Variants in FAT3 observed in about 807,000 individuals in gnomAD.
FAT3 encodes the protein protocadherin Fat 3.
A neutral mutation model predicts 310.2 loss-of-function variants in FAT3; 95 were observed. That is an observed-to-expected ratio of 0.31 (90% CI 0.26 to 0.36). The LOEUF is 0.36. Among genes scored for constraint, FAT3 ranks in the 10% least tolerant of loss-of-function variants. The pLI, the probability that FAT3 is intolerant of heterozygous loss-of-function variation, is 1.00. For missense variants in FAT3, 5,408 were observed against 5,715.6 expected (o/e 0.95, Z 1.74); for synonymous variants, 2,314 against 2,192.9 (o/e 1.06, Z -1.54).
chr11:92,237,475 A>G (rs1172598557), intron 1 of FAT3, among the ~76,000 whole-genome samples: 3 of 152,156 alleles, frequency 2.0e-5, no homozygotes, highest in Admixed American at 6.5e-5. Flanking sequence ...ATAACTTTTA[A>G]TCATTATTAA....
chr11:92,515,904 A>G (rs1953466209), intron 2 of FAT3, among the ~76,000 whole-genome samples: 1 of 151,948 alleles, frequency 6.6e-6, no homozygotes, highest in South Asian at 2.1e-4. Flanking sequence ...AAAACTATGG[A>G]ATTTATAAAA....
At chr11:92,442,327 A>T (rs2135082050) in intron 2 of FAT3, among the ~76,000 whole-genome samples, 1 of 149,700 alleles carries the variant, frequency 6.7e-6, no homozygotes, top group Non-Finnish European at 1.5e-5. Context: ...GTTAGCTAGG[A>T]TGGTCTCGAT....
chr11:92,663,301 T>G (rs1439980607), intron 3 of FAT3, among the ~76,000 whole-genome samples: 1 of 151,934 alleles, frequency 6.6e-6, no homozygotes, highest in Non-Finnish European at 1.5e-5. Flanking sequence ...GAGTTAAGGG[T>G]GGGAGAAGAG....
chr11:92,281,226 T>G (rs1946412707), intron 1 of FAT3, among the ~76,000 whole-genome samples: 1 of 152,094 alleles, frequency 6.6e-6, no homozygotes, highest in South Asian at 2.1e-4. Context: ...TCTCTGTATG[T>G]TAAGTGGGGA....
intron 2 of FAT3, among the ~76,000 whole-genome samples, chr11:92,502,807 C>A (rs1034587213): frequency 7.2e-5 from 11 of 152,046 alleles, no homozygotes; most frequent in African/African-American, 1.2e-4. Context: ...ATTTGATCAT[C>A]ATGATGTACT....
intron 4 of FAT3, among the ~76,000 whole-genome samples, chr11:92,720,048 C>T (rs796660221): frequency 6.6e-6 from 1 of 151,996 alleles, no homozygotes; most frequent in Non-Finnish European, 1.5e-5. Flanking sequence ...TTTTTCTATA[C>T]CACAGGGGCA....
At chr11:92,351,725 A>G (rs1052703408) in intron 1 of FAT3, among the ~76,000 whole-genome samples, 1 of 152,086 alleles carries the variant, frequency 6.6e-6, no homozygotes, top group Non-Finnish European at 1.5e-5. Flanking sequence ...TTTCTATAGG[A>G]TAATTACTGC....
Position 92,801,591 on chromosome 11 carries a change from G to C in FAT3, c.8578G>C (p.Glu2860Gln). The change falls in exon 10 of 28, where the codon GAA (glutamate) becomes CAA (glutamine). Residue 2860 changes from glutamate (E) to glutamine (Q), a missense_variant. Glu to Gln is a conservative substitution (Grantham distance 29). Around this residue, in one of 5 missense-constraint regions of FAT3, gnomAD observed 4,588 missense variants for 4,809.8 expected, o/e 0.95. Transcript: ENST00000525166. ...CTCCCTCCACTCGGATTCCCAGCCCGAAAAGGTAATGGAAGCATTCAATAT... is the reference window on the plus strand; with the variant it reads ...CTCCCTCCACTCGGATTCCCAGCCCCAAAAGGTAATGGAAGCATTCAATAT... ...TYSLHSDSQP[E>Q]KVMEAFNIDS... The C allele has an allele frequency of 3.1e-6, 5 of 1,611,608 alleles. No individual in the cohort carries two copies. Among genetic ancestry groups the C allele is most frequent in the Non-Finnish European group, 4.2e-6 (5 of 1,178,766 alleles).
chr11:92,796,639 G>T (rs1297206855), intron 9 of FAT3, among the ~76,000 whole-genome samples: 1 of 152,252 alleles, frequency 6.6e-6, no homozygotes, highest in African/African-American at 2.4e-5. Context: ...ACTTTTGATT[G>T]GAAAGGATCT....
rs147174997 is a variant in FAT3 at position 92,723,029 on chromosome 11, T to C, written c.3669+25584T>C. Among the ~76,000 whole-genome samples, 1,288 of 152,356 alleles carry C rather than the reference T, an allele frequency of 8.5e-3. 30 individuals carry two copies. The highest frequency in any genetic ancestry group is 0.029 in the African/African-American group (1,226 of 41,578). On this transcript the variant is annotated intron_variant, in intron 4 of 27. Coordinates refer to ENST00000525166, the MANE Select transcript of FAT3 (RefSeq NM_001367949.2). ...TCCCCATTACCTTGGGGATTAACAT[T>C]CAGCTCCTTGTTGCTTGTGCAAATT...
At chr11:92,832,388 G>A (rs1021378071) in intron 14 of FAT3, among the ~76,000 whole-genome samples, 11 of 151,838 alleles carry the variant, frequency 7.2e-5, no homozygotes, top group Non-Finnish European at 4.4e-5. Flanking sequence ...TGCTTCTCCC[G>A]AAAACACTCT....
At chr11:92,732,542 T>C (rs2852863) in intron 4 of FAT3, among the ~76,000 whole-genome samples, 40,220 of 152,122 alleles carry the variant, frequency 0.26, 6,876 homozygotes, top group African/African-American at 0.49. Flanking sequence ...AGCCATCATC[T>C]GACAGTAGAG....
intron 3 of FAT3, among the ~76,000 whole-genome samples, chr11:92,652,517 C>G (rs938643100): frequency 2.6e-5 from 4 of 152,168 alleles, no homozygotes; most frequent in Non-Finnish European, 5.9e-5. Context: ...GAGCTACAAA[C>G]AAGGCTTTGA....
chr11:92,609,095 T>A (rs1433141970), intron 3 of FAT3, among the ~76,000 whole-genome samples: 1 of 152,244 alleles, frequency 6.6e-6, no homozygotes, highest in Non-Finnish European at 1.5e-5. Context: ...ATTATTATAC[T>A]CTTGAGCATT....
At chr11:92,383,648 T>C (rs1260384015) in intron 2 of FAT3, among the ~76,000 whole-genome samples, 1 of 152,242 alleles carries the variant, frequency 6.6e-6, no homozygotes, top group African/African-American at 2.4e-5. Flanking sequence ...TTATGAATAC[T>C]GAAATTCAAT....
chr11:92,490,051 A>G (rs1171798350), intron 2 of FAT3, among the ~76,000 whole-genome samples: 1 of 152,106 alleles, frequency 6.6e-6, no homozygotes, highest in Non-Finnish European at 1.5e-5. Context: ...TTCTGCATGC[A>G]GTATGGAAAG....
At chr11:92,805,647 G>A (rs1947486200) in intron 11 of FAT3, among the ~76,000 whole-genome samples, 1 of 151,636 alleles carries the variant, frequency 6.6e-6, no homozygotes, top group Non-Finnish European at 1.5e-5. Context: ...GACTTATTCT[G>A]TTTAAATCAC....
intron 1 of FAT3, among the ~76,000 whole-genome samples, chr11:92,317,285 T>C (rs1947490352): frequency 6.6e-6 from 1 of 152,246 alleles, no homozygotes; most frequent in East Asian, 1.9e-4. Flanking sequence ...ATATTTAGAT[T>C]ATTTTTTCTC....
intron 4 of FAT3, among the ~76,000 whole-genome samples, chr11:92,709,301 A>C (rs1197631934): frequency 6.6e-6 from 1 of 152,180 alleles, no homozygotes; most frequent in African/African-American, 2.4e-5. Flanking sequence ...ATCGTGTAGA[A>C]ATACGAAACT....
Sources: allele counts gnomAD v4.1 joint callset (sites outside exome capture counted in the v4.1 genomes callset), GRCh38; gene constraint gnomAD v4.1.1; regional missense constraint gnomAD v4.1.1; transcripts MANE v1.5; gene names NCBI Gene and HGNC (gene_info 2026-07-23, HGNC 2026-07-21).